STRN: variants seen among roughly 807,000 people sequenced by gnomAD.
The protein encoded by STRN is striatin, also known as protein phosphatase 2 regulatory subunit B'''alpha.
Under a neutral mutation model 96.3 loss-of-function variants are expected in STRN, and 53 were observed. That is an observed-to-expected ratio of 0.55 (90% CI 0.44 to 0.69). The LOEUF (loss-of-function observed/expected upper bound fraction) is 0.69. Ranked by LOEUF, STRN falls within the 30% of genes least tolerant of loss-of-function variation. The probability of loss-of-function intolerance (pLI) is 0.00; values close to 1 mark genes in which losing one functional copy is unlikely to be tolerated. For synonymous variants in STRN, 428 were observed against 355.9 expected, an observed-to-expected ratio of 1.20 and a Z score of -2.28; for missense variants, 987 against 963.9, an observed-to-expected ratio of 1.02 and a Z score of -0.32.
Position 36,906,704 on chromosome 2 carries a change from T to C in STRN, c.413-1086A>G, listed in dbSNP as rs150584018. On this transcript the variant is annotated intron_variant, in intron 3 of 17. Coordinates refer to ENST00000263918, the MANE Select transcript of STRN (RefSeq NM_003162.4). The stretch of plus-strand genomic sequence containing the variant: ...ACCTTGGGAGGCCGAAGCGGGTGGA[T>C]CACTTGAGGTCAGGAGTTTGAGACC... 6.4e-3 allele frequency among the ~76,000 whole-genome samples: 973 copies of C among 151,912 alleles called. 8 individuals carry two copies. The highest frequency in any genetic ancestry group is 0.022 in the African/African-American group (930 of 41,406).
intron 1 of STRN, among the ~76,000 whole-genome samples, chr2:36,958,922 C>T (rs898860205): frequency 3.9e-5 from 6 of 152,122 alleles, no homozygotes; most frequent in Non-Finnish European, 7.4e-5. Context: ...AGAGACCATC[C>T]TAGCTGACAC....
intron 1 of STRN, among the ~76,000 whole-genome samples, chr2:36,926,929 A>C (rs1670425293): frequency 6.6e-6 from 1 of 152,174 alleles, no homozygotes; most frequent in Admixed American, 6.5e-5. Flanking sequence ...TGACAGCCCA[A>C]CTTGTCATTT....
At chr2:36,866,758 A>C (rs1046588879) in intron 12 of STRN, among the ~76,000 whole-genome samples, 1 of 152,172 alleles carries the variant, frequency 6.6e-6, no homozygotes, top group African/African-American at 2.4e-5. Context: ...TCTTGAATTG[A>C]ATCCTTTATT....
At chr2:36,930,630 G>A (rs1401528514) in intron 1 of STRN, among the ~76,000 whole-genome samples, 1 of 151,966 alleles carries the variant, frequency 6.6e-6, no homozygotes, top group Admixed American at 6.6e-5. Flanking sequence ...ACCAACCTTG[G>A]AGAACCACTG....
At chr2:36,959,052 G>T (rs1166505957) in intron 1 of STRN, among the ~76,000 whole-genome samples, 1 of 152,106 alleles carries the variant, frequency 6.6e-6, no homozygotes, top group Non-Finnish European at 1.5e-5. Flanking sequence ...GGAGGCGGAG[G>T]TTGCAGTGAG....
intron 4 of STRN, 148 bp from the exon 5 acceptor site, chr2:36,902,899 C>A: frequency 1.9e-6 from 1 of 536,320 alleles, no homozygotes; most frequent in East Asian, 3.5e-5. Context: ...AATAAATAAT[C>A]TTCCAGCTGC....
intron 12 of STRN, among the ~76,000 whole-genome samples, chr2:36,865,352 T>C (rs754632206): frequency 1.3e-5 from 2 of 152,224 alleles, no homozygotes; most frequent in Non-Finnish European, 2.9e-5. Context: ...TGTGTTTATT[T>C]GGATCTTCTC....
chr2:36,893,139 A>G (rs757685188), intron 7 of STRN, among the ~76,000 whole-genome samples: 6 of 152,244 alleles, frequency 3.9e-5, no homozygotes, highest in Admixed American at 6.5e-5. Flanking sequence ...CCAGTAATAA[A>G]GCATAAACAT....
chr2:36,882,307 A>G (rs115837881), intron 9 of STRN, among the ~76,000 whole-genome samples: 1,963 of 152,318 alleles, frequency 0.013, 44 homozygotes, highest in African/African-American at 0.045. Context: ...AATTTTTTAA[A>G]TAAGTATTTA....
chr2:36,965,943 T>C lies in STRN; in HGVS notation c.234+287A>G, dbSNP rs552811333. 6.6e-5 allele frequency among the ~76,000 whole-genome samples: 10 copies of C among 152,072 alleles called. No homozygotes were observed. In the East Asian group the frequency reaches 1.7e-3, roughly 26 times the overall value. On this transcript the variant is annotated intron_variant, in intron 1 of 17. Coordinates refer to ENST00000263918, the MANE Select transcript of STRN (RefSeq NM_003162.4). ...GAGAGGGCAGCCCTGAGATGCAGGATGGCCAGAGAGTTGAAATGAGTCTGG... is the reference window on the plus strand; with the variant it reads ...GAGAGGGCAGCCCTGAGATGCAGGACGGCCAGAGAGTTGAAATGAGTCTGG...
chr2:36,868,057 A>T (rs891663650), intron 11 of STRN, among the ~76,000 whole-genome samples, 196 bp from the exon 12 acceptor site: 1 of 152,240 alleles, frequency 6.6e-6, no homozygotes, highest in African/African-American at 2.4e-5. Flanking sequence ...TTTAGTAATA[A>T]TATCATGTTA....
rs1454741644 is a variant in STRN, at chr2:36,841,745, A to G, written c.*7711T>C. 1 of 152,184 alleles carries G rather than the reference A, an allele frequency of 6.6e-6. No homozygotes were observed. The highest frequency in any genetic ancestry group is 1.5e-5 in the Non-Finnish European group (1 of 68,042). 9.4% of individuals were successfully genotyped at this position (152,184 alleles called of 1,614,324 possible). A position where few individuals can be genotyped will look rare whatever the true frequency, so the allele number is the denominator to read the frequency against. On this transcript the variant is annotated 3_prime_UTR_variant, in exon 18 of 18. Transcript: ENST00000263918. Reference sequence around the variant, plus strand: ...AGCTTCCTAAAATATAATGAAAACTATTTCCTCTGACACTTTGCCATGGGG... The same window carrying G: ...AGCTTCCTAAAATATAATGAAAACTGTTTCCTCTGACACTTTGCCATGGGG...
At chr2:36,951,872 G>T (rs1387324366) in intron 1 of STRN, among the ~76,000 whole-genome samples, 1 of 152,192 alleles carries the variant, frequency 6.6e-6, no homozygotes, top group African/African-American at 2.4e-5. Flanking sequence ...TGAGCAGCAG[G>T]CAAGCCAGCA....
In STRN at chr2:36,848,722, A is replaced by G. The variant is rs1337045002; in HGVS notation, c.*734T>C. 1.3e-5 allele frequency: 2 copies of G among 152,322 alleles called. No homozygotes were observed. Among genetic ancestry groups the G allele is most frequent in the Non-Finnish European group, 2.9e-5 (2 of 68,030 alleles). 9.4% of individuals were successfully genotyped at this position (152,322 alleles called of 1,614,324 possible). ...TTAGTAAAAGCAGAGTCGATCAACT[A>G]TTCTTCACAATGGTGAGTGCTTGAT... On this transcript the variant is annotated 3_prime_UTR_variant, in exon 18 of 18. Transcript: ENST00000263918.
intron 2 of STRN, among the ~76,000 whole-genome samples, chr2:36,918,599 T>C (rs1321131608): frequency 1.3e-5 from 2 of 152,042 alleles, no homozygotes; most frequent in African/African-American, 4.8e-5. Flanking sequence ...ACAAAAACTG[T>C]GACACATTAT....
At position 36,953,183 on chromosome 2, in the gene STRN, TA is replaced by T. The variant is rs139156453; in HGVS notation, c.234+13046del. Among the ~76,000 whole-genome samples, 944 of 152,280 alleles carry T rather than the reference TA, an allele frequency of 6.2e-3. 10 individuals are homozygous for T. The highest frequency in any genetic ancestry group is 0.02 in the African/African-American group (849 of 41,546). On this transcript the variant is annotated intron_variant, in intron 1 of 17. Coordinates refer to ENST00000263918, the MANE Select transcript of STRN (RefSeq NM_003162.4). The stretch of plus-strand genomic sequence containing the variant: ...TGATGCATATTTGCCACACCCAAAA[TA>T]CCTATTTCACCCAACCTTATTCAAT...
At chr2:36,862,374 T>A (rs1668511228) in intron 12 of STRN, among the ~76,000 whole-genome samples, 1 of 152,230 alleles carries the variant, frequency 6.6e-6, no homozygotes, top group African/African-American at 2.4e-5. Flanking sequence ...CCAGCAGCAT[T>A]TAAGTGTTCC....
intron 15 of STRN, 87 bp from the exon 16 acceptor site, chr2:36,851,194 G>T: frequency 8.1e-7 from 1 of 1,236,248 alleles, no homozygotes; most frequent in Non-Finnish European, 1.1e-6. Context: ...CTAAGAGACT[G>T]AAAAAGTAGG....
intron 12 of STRN, among the ~76,000 whole-genome samples, chr2:36,862,468 T>C (rs1433571247): frequency 6.6e-6 from 1 of 152,230 alleles, no homozygotes; most frequent in Non-Finnish European, 1.5e-5. Context: ...TGGCATCTCA[T>C]TGTGGTCTTG....
Sources: gnomAD v4.1 joint callset for allele counts (sites outside exome capture counted in the v4.1 genomes callset) on GRCh38, gnomAD v4.1.1 for gene constraint, MANE v1.5 for transcripts, NCBI Gene and HGNC (gene_info 2026-07-23, HGNC 2026-07-21) for gene names.